ECEL1: variants seen among roughly 807,000 people sequenced by gnomAD.
The protein encoded by ECEL1 is endothelin-converting enzyme-like 1.
ECEL1 carries 87 observed loss-of-function variants against 101.8 expected under a neutral mutation model. The observed-to-expected ratio is 0.85, with a 90% CI of 0.72 to 1.02. ECEL1 has a LOEUF of 1.02. ECEL1 is among the 50% of genes least tolerant of loss of function. The probability of loss-of-function intolerance (pLI) is 0.00; values close to 1 mark genes in which losing one functional copy is unlikely to be tolerated. For synonymous variants in ECEL1, 487 were observed against 468.7 expected (o/e 1.04, Z -0.50); for missense variants, 1,032 against 1,079.2 (o/e 0.96, Z 0.61).
rs980803039 is a variant in ECEL1, at chr2:232,483,921, C to T, written c.1407+80G>A. On this transcript the variant is annotated intron_variant, in intron 7 of 17. Coordinates refer to ENST00000304546, the MANE Select transcript of ECEL1 (RefSeq NM_004826.4). ...TGCCTGCAGGGGACATGTGGGGCTC[C>T]CCATATTAGGACCATGGCCTCGGGA... 2.1e-6 allele frequency: 3 copies of T among 1,454,676 alleles called. No homozygotes were observed. The Admixed American group carries it at 6.2e-5, about 30-fold the overall frequency. The allele number at this position is 1,454,676 out of a possible 1,614,324, so 90.1% of individuals were successfully genotyped here. A position where few individuals can be genotyped will look rare whatever the true frequency, so the allele number is the denominator to read the frequency against.
chr2:232,486,030 GCA>G lies in ECEL1; in HGVS notation c.622_623del (p.Cys208ArgfsTer56). On this transcript the variant is annotated frameshift_variant, in exon 2 of 18. Coordinates refer to ENST00000304546, the MANE Select transcript of ECEL1 (RefSeq NM_004826.4). LOFTEE classifies it high-confidence loss of function. ...CCGCGCCGCCCAGGTCCCAGCCCCCGCAGTCCTCGATGACCTCTAGCATGGGT... is the reference window on the plus strand; with the variant it reads ...CCGCGCCGCCCAGGTCCCAGCCCCCGGTCCTCGATGACCTCTAGCATGGGT... ...PRPMLEVIEDCGGWDLGGAEE... is the reference protein window; with the variant it reads ...PRPMLEVIEDXGGWDLGGAEE... 6.2e-7 allele frequency: 1 copy of G among 1,608,838 alleles called. No individual in the cohort carries two copies. Among genetic ancestry groups the G allele is most frequent in the Non-Finnish European group, 8.5e-7 (1 of 1,178,578 alleles).
rs137943112 is a variant in ECEL1, at chr2:232,482,588, G to T, written c.1706C>A (p.Ala569Glu). 6.2e-7 allele frequency: 1 copy of T among 1,612,810 alleles called. No individual in the cohort carries two copies. The highest frequency in any genetic ancestry group is 2.2e-5 in the East Asian group (1 of 44,872). ...GTTGGGTAGATAGTAGGCATTGAGC[G>T]CCTGTGGGGGGAGCAGCCACCTGTG... ...DKSTWLLPPQ[A>E]LNAYYLPNKN... Residue 569 changes from alanine (A) to glutamate (E), a missense_variant, in exon 11 of 18, where the codon GCG becomes GAG. By Grantham distance (107) the Ala-to-Glu change is moderately radical. Coordinates refer to ENST00000304546, the MANE Select transcript of ECEL1 (RefSeq NM_004826.4).
At chr2:232,481,872 A>G in intron 12 of ECEL1, 23 bp from the exon 13 acceptor site, 1 of 1,613,570 alleles carries the variant, frequency 6.2e-7, no homozygotes, top group Non-Finnish European at 8.5e-7. Flanking sequence ...CAGCAGCATC[A>G]GGCCCTAGCC....
Position 232,482,401 on chromosome 2 carries a change from G to A in ECEL1, c.1796+17C>T. The A allele has an allele frequency of 6.2e-7, 1 of 1,613,724 alleles. No individual in the cohort carries two copies. The highest frequency in any genetic ancestry group is 8.5e-7 in the Non-Finnish European group (1 of 1,180,014). ...AGCCCTGCCCTCAGCCACAAACAGG[G>A]CAAGCTATGTACTCACTGTGGGAAG... On this transcript the variant is annotated intron_variant, in intron 12 of 17. Coordinates refer to ENST00000304546, the MANE Select transcript of ECEL1 (RefSeq NM_004826.4).
Position 232,486,146 on chromosome 2 carries a change from C to G in ECEL1, c.508G>C (p.Gly170Arg), listed in dbSNP as rs1403036153. The change falls in exon 2 of 18, where the codon GGT (glycine) becomes CGT (arginine). Residue 170 changes from glycine to arginine, a missense_variant. Physicochemically the swap from Gly to Arg is moderately radical, Grantham distance 125. Coordinates refer to ENST00000304546, the MANE Select transcript of ECEL1 (RefSeq NM_004826.4). ...CGCTGGGCCGCGCCGCCAGGCCCAC[C>G]CCCGGGCCGCGCCAGCAGGCGCCGT... ...RLRRLLARPG[G>R]GPGGAAQRKV... 1.3e-6 allele frequency: 2 copies of G among 1,565,484 alleles called. No homozygotes were observed. The highest frequency in any genetic ancestry group is 1.7e-6 in the Non-Finnish European group (2 of 1,160,526).
intron 14 of ECEL1, 78 bp from the exon 15 acceptor site, chr2:232,481,234 G>A (rs1690570393): frequency 2.0e-6 from 3 of 1,504,742 alleles, no homozygotes; most frequent in Non-Finnish European, 2.7e-6. Flanking sequence ...CTGGGCCCCA[G>A]CCCCTAATTC....
rs770934372 is a variant in ECEL1 at position 232,482,798 on chromosome 2, T to C, written c.1685+53A>G. 1.1e-4 allele frequency: 175 copies of C among 1,599,954 alleles called. 1 individual carries two copies. The highest frequency in any genetic ancestry group is 1.5e-4 in the Non-Finnish European group (171 of 1,168,334). On this transcript the variant is annotated intron_variant, in intron 10 of 17. Transcript: ENST00000304546. The stretch of plus-strand genomic sequence containing the variant: ...TGAGACGATTTGCCCTACCAGCTCC[T>C]GCCCTTTCCCCACAACCCTTCCCTG...
At chr2:232,484,439 G>T in intron 6 of ECEL1, 33 bp downstream of exon 6, 1 of 1,610,428 alleles carries the variant, frequency 6.2e-7, no homozygotes, top group Non-Finnish European at 8.5e-7. Flanking sequence ...CCTAGTGACC[G>T]CTGGGCAGAA....
intron 3 of ECEL1, 45 bp from the exon 4 acceptor site, chr2:232,485,136 G>A: frequency 6.2e-7 from 1 of 1,611,956 alleles, no homozygotes; most frequent in Non-Finnish European, 8.5e-7. Flanking sequence ...GACAGGCCTA[G>A]CCTGGATCCA....
chr2:232,486,374 C>T lies in ECEL1; in HGVS notation c.280G>A (p.Ala94Thr), dbSNP rs1197095692. 8 of 1,488,342 alleles carry T rather than the reference C, an allele frequency of 5.4e-6. No individual in the cohort carries two copies. The highest frequency in any genetic ancestry group is 3.8e-5 in the South Asian group (3 of 77,932). 92.2% of individuals were successfully genotyped at this position (1,488,342 alleles called of 1,614,324 possible). ...CGCTCAGGGCAGCCCTCGGGACAGG[C>T]GCCGCCGCCGGCCGCGACCGGGCCC... ...YLGPVAAGGG[A>T]CPEGCPERKA... The change falls in exon 2 of 18, where the codon GCC becomes ACC. Residue 94 changes from alanine to threonine, a missense_variant. Coordinates refer to ENST00000304546, the MANE Select transcript of ECEL1 (RefSeq NM_004826.4).
In ECEL1 at chr2:232,483,422, C is replaced by G. The variant is rs1690636601; in HGVS notation, c.1500G>C (p.Arg500=). ...WMDAETRAAA[R]AKLQYMMVMV... ...ACACTGGGTCCCCCCTCACCTTGGC[C>G]CGAGCAGCAGCCCTGGTCTCGGCGT... Residue 500 remains arginine, a synonymous_variant, in exon 8 of 18, where the codon CGG becomes CGC. Transcript: ENST00000304546. 5.0e-6 allele frequency: 8 copies of G among 1,606,522 alleles called. No individual in the cohort carries two copies. The African/African-American group carries it at 9.4e-5, about 19-fold the overall frequency.
intron 7 of ECEL1, among the ~76,000 whole-genome samples, chr2:232,483,776 C>G (rs1019795933): frequency 2.0e-4 from 31 of 152,214 alleles, no homozygotes; most frequent in African/African-American, 6.8e-4. Context: ...TGGGCTGGGG[C>G]CTGGCAGGGA....
At position 232,482,481 on chromosome 2, in the gene ECEL1, G is replaced by C; in HGVS notation, c.1745-12C>G. 6.2e-7 allele frequency: 1 copy of C among 1,614,040 alleles called. No homozygotes were observed. The highest frequency in any genetic ancestry group is 8.5e-7 in the Non-Finnish European group (1 of 1,180,008). On this transcript the variant is annotated splice_polypyrimidine_tract_variant and intron_variant, in intron 11 of 17. Coordinates refer to ENST00000304546, the MANE Select transcript of ECEL1 (RefSeq NM_004826.4). ...GCCCGCGGGGAACACTACAAGAAGGGGGTGCTCAGTGGGAAACCCATCCAC... is the reference window on the plus strand; with the variant it reads ...GCCCGCGGGGAACACTACAAGAAGGCGGTGCTCAGTGGGAAACCCATCCAC...
intron 16 of ECEL1, 93 bp downstream of exon 16, chr2:232,480,625 C>A: frequency 6.6e-7 from 1 of 1,513,256 alleles, no homozygotes; most frequent in Non-Finnish European, 9.1e-7. Flanking sequence ...GACAGGCTGT[C>A]CATGCGAAGC....
rs202167077 is a variant in ECEL1 at position 232,486,326 on chromosome 2, G to C, written c.328C>G (p.Arg110Gly). ...GCGTCCAGGTTGGCGGCCAGGAAGC[G>C]AGCGGCGCGCGCGAAGGCCTTGCGC... ...PERKAFARAA[R>G]FLAANLDASI... Residue 110 changes from arginine (R) to glycine (G), a missense_variant, in exon 2 of 18, where the codon CGC becomes GGC. Coordinates refer to ENST00000304546, the MANE Select transcript of ECEL1 (RefSeq NM_004826.4). 5.7e-4 allele frequency: 895 copies of C among 1,571,230 alleles called. 4 individuals are homozygous for C. The African/African-American group carries it at 0.011, about 19-fold the overall frequency.
chr2:232,487,518 C>T (rs935661495), intron 1 of ECEL1, among the ~76,000 whole-genome samples: 2 of 151,962 alleles, frequency 1.3e-5, no homozygotes, highest in African/African-American at 2.4e-5. Context: ...AGCGAGCTGG[C>T]TGGCGACCCC....
In ECEL1 at chr2:232,481,952, A is replaced by T. The variant is rs909432; in HGVS notation, c.1797-103T>A. ...TCCCCTGGCCGGGCCAGGAGGTGGC[A>T]CAGGGAGGCCACAGAGGCATCCGTG... On this transcript the variant is annotated intron_variant, in intron 12 of 17. Transcript: ENST00000304546. The T allele has an allele frequency of 3.3e-3, 5,072 of 1,524,494 alleles. 19 individuals are homozygous for T. Among genetic ancestry groups the T allele is most frequent in the Middle Eastern group, 8.5e-3 (47 of 5,514 alleles). The allele number at this position is 1,524,494 out of a possible 1,614,324, so 94.4% of individuals were successfully genotyped here. A position where few individuals can be genotyped will look rare whatever the true frequency, so the allele number is the denominator to read the frequency against.
At position 232,480,789 on chromosome 2, in the gene ECEL1, G is replaced by A; in HGVS notation, c.2080C>T (p.His694Tyr). The A allele has an allele frequency of 6.2e-7, 1 of 1,613,914 alleles. No homozygotes were observed. The highest frequency in any genetic ancestry group is 8.5e-7 in the Non-Finnish European group (1 of 1,179,952). The change falls in exon 16 of 18, where the codon CAC becomes TAC. Residue 694 changes from histidine to tyrosine, a missense_variant. His to Tyr is a moderately conservative substitution (Grantham distance 83, BLOSUM62 2). Coordinates refer to ENST00000304546, the MANE Select transcript of ECEL1 (RefSeq NM_004826.4). ...CGGGGAAGTGGGTGCTCTGGGCCGT[G>A]CTCCCGCACCCACTTCTGATAGGCC... ...YHAYQKWVRE[H>Y]GPEHPLPRLK...
chr2:232,485,339 T>A lies in ECEL1; in HGVS notation c.787-72A>T. 8.4e-6 allele frequency: 13 copies of A among 1,540,212 alleles called. No individual in the cohort carries two copies. In the Middle Eastern group the frequency reaches 6.1e-4, roughly 73 times the overall value. ...TTCCCTAAACAGAGGGAATTCCCAC[T>A]CCAATGCCCAGAGAGCAACCAGACA... On this transcript the variant is annotated intron_variant, in intron 2 of 17. Coordinates refer to ENST00000304546, the MANE Select transcript of ECEL1 (RefSeq NM_004826.4).
Sources: gnomAD v4.1 joint callset for allele counts (sites outside exome capture counted in the v4.1 genomes callset) on GRCh38, gnomAD v4.1.1 for gene constraint, MANE v1.5 for transcripts, NCBI Gene and HGNC (gene_info 2026-07-23, HGNC 2026-07-21) for gene names.